PRKCH: variants seen among roughly 807,000 people sequenced by gnomAD.
PRKCH encodes the protein protein kinase C eta.
A neutral mutation model predicts 82.5 loss-of-function variants in PRKCH; 28 were observed. That is an observed-to-expected ratio of 0.34 (90% confidence interval 0.25 to 0.47). The LOEUF (loss-of-function observed/expected upper bound fraction) is 0.47, where lower values mean the gene tolerates loss of function less well. Ranked by LOEUF, PRKCH falls within the 20% of genes least tolerant of loss-of-function variation. PRKCH has a pLI of 1.00. For missense variants in PRKCH, 705 were observed against 881.8 expected, an observed-to-expected ratio of 0.80 and a Z score of 2.54; for synonymous variants, 322 against 327.4, an observed-to-expected ratio of 0.98 and a Z score of 0.18.
At chr14:61,460,295 A>G (rs1000881289) in intron 9 of PRKCH, among the ~76,000 whole-genome samples, 1 of 152,030 alleles carries the variant, frequency 6.6e-6, no homozygotes, top group African/African-American at 2.4e-5. Flanking sequence ...CTCTGTTGCT[A>G]TGTATTGTGT....
Position 61,515,820 on chromosome 14 carries a change from A to T in PRKCH, c.1434-13255A>T, listed in dbSNP as rs937204231. Among the ~76,000 whole-genome samples the T allele has an allele frequency of 7.2e-5, 11 of 152,342 alleles. 1 individual carries two copies. Among genetic ancestry groups the T allele is most frequent in the South Asian group, 4.1e-4 (2 of 4,830 alleles). ...TTTATCAGTGTTGATTCTTATAAAA[A>T]TCATGACAGTAGGCCATGTAGATAT... On this transcript the variant is annotated intron_variant, in intron 10 of 13. Coordinates refer to ENST00000332981, the MANE Select transcript of PRKCH (RefSeq NM_006255.5).
At chr14:61,199,858 T>C (rs1441855277) in intron 1 of PRKCH, among the ~76,000 whole-genome samples, 2 of 152,212 alleles carry the variant, frequency 1.3e-5, no homozygotes, top group African/African-American at 4.8e-5. Flanking sequence ...ATTTCAGTAT[T>C]TTTGGATTGG....
At chr14:61,379,003 T>A (rs964358296) in intron 1 of PRKCH, among the ~76,000 whole-genome samples, 1 of 152,208 alleles carries the variant, frequency 6.6e-6, no homozygotes, top group African/African-American at 2.4e-5. Context: ...CTTGTAACTT[T>A]CCTGATTGAA....
intron 1 of PRKCH, among the ~76,000 whole-genome samples, chr14:61,219,066 C>G (rs1381462127): frequency 6.6e-6 from 1 of 152,212 alleles, no homozygotes; most frequent in Non-Finnish European, 1.5e-5. Context: ...AGTAAACAGT[C>G]CAAGCTGTGG....
rs146725000 is a variant in PRKCH, at chr14:61,422,516, C to T, written c.428-20595C>T. On this transcript the variant is annotated intron_variant, in intron 2 of 13. Coordinates refer to ENST00000332981, the MANE Select transcript of PRKCH (RefSeq NM_006255.5). ...TAGTATATACCCCGTTCCCCTCATC[C>T]TCCCTCTAGTACTCTGCTGCTTAGG... Among the ~76,000 whole-genome samples the T allele has an allele frequency of 2.9e-3, 435 of 152,274 alleles. 4 individuals are homozygous for T. The highest frequency in any genetic ancestry group is 0.019 in the South Asian group (90 of 4,826).
At chr14:61,458,218 C>T (rs910263146) in intron 9 of PRKCH, among the ~76,000 whole-genome samples, 2 of 152,224 alleles carry the variant, frequency 1.3e-5, no homozygotes, top group African/African-American at 2.4e-5. Context: ...TCTGTCTGCC[C>T]TGTAATGGCG....
At position 61,329,234 on chromosome 14, in the gene PRKCH, CT is replaced by C. The variant is rs71117812; in HGVS notation, c.363+6790del. Among the ~76,000 whole-genome samples the C allele has an allele frequency of 2.5e-4, 16 of 63,468 alleles. 1 individual carries two copies. The highest frequency in any genetic ancestry group is 0.029 in the Middle Eastern group (1 of 34). 41.6% of individuals were successfully genotyped at this position (63,468 alleles called of 152,430 possible). The stretch of plus-strand genomic sequence containing the variant: ...ACTGCTCTTAGATAAACTCCTGAGT[CT>C]TTTTTTTTTTTTTTTTTTTGAGACA... On this transcript the variant is annotated intron_variant, in intron 1 of 13. Coordinates refer to ENST00000332981, the MANE Select transcript of PRKCH (RefSeq NM_006255.5).
At chr14:61,250,236 CAAAA>C (rs1382272522) in intron 1 of PRKCH, among the ~76,000 whole-genome samples, 1 of 104,980 alleles carries the variant, frequency 9.5e-6, no homozygotes, top group East Asian at 2.7e-4. Flanking sequence ...GACTCAGTCT[CAAAA>C]ATAAATAAAT....
intron 11 of PRKCH, 142 bp from the exon 12 acceptor site, chr14:61,530,265 G>A (rs536485505): frequency 7.6e-6 from 7 of 915,962 alleles, no homozygotes; most frequent in Non-Finnish European, 1.1e-5. Flanking sequence ...CTGTAGAAAT[G>A]GAATGAAATA....
intron 10 of PRKCH, among the ~76,000 whole-genome samples, chr14:61,489,619 A>T (rs111727055): frequency 6.6e-6 from 1 of 152,228 alleles, no homozygotes; most frequent in Non-Finnish European, 1.5e-5. Context: ...CCCAGAAACC[A>T]AGAAGAGTAG....
rs115986808 is a variant in PRKCH, at chr14:61,536,936, G to A, written c.1761+6341G>A. On this transcript the variant is annotated intron_variant, in intron 12 of 13. Coordinates refer to ENST00000332981, the MANE Select transcript of PRKCH (RefSeq NM_006255.5). ...AGCTGTTCAAACATTTCCTATAGAC[G>A]TGGGTAGTGGACAAAGGACTTGCTT... 7.6e-3 allele frequency among the ~76,000 whole-genome samples: 1,157 copies of A among 152,298 alleles called. 15 individuals are homozygous for A. Among genetic ancestry groups the A allele is most frequent in the African/African-American group, 0.026 (1,097 of 41,558 alleles).
At chr14:61,394,625 T>G (rs2046744098) in intron 2 of PRKCH, among the ~76,000 whole-genome samples, 1 of 152,190 alleles carries the variant, frequency 6.6e-6, no homozygotes, top group Non-Finnish European at 1.5e-5. Flanking sequence ...ATTACATGAC[T>G]TTTTTAGAGC....
At chr14:61,495,992 G>A (rs1886652940) in intron 10 of PRKCH, among the ~76,000 whole-genome samples, 1 of 152,190 alleles carries the variant, frequency 6.6e-6, no homozygotes. Context: ...AAGACCTAAG[G>A]ATGGGAGGAG....
At chr14:61,462,710 A>G (rs1455060393) in intron 9 of PRKCH, among the ~76,000 whole-genome samples, 1 of 152,240 alleles carries the variant, frequency 6.6e-6, no homozygotes, top group African/African-American at 2.4e-5. Context: ...GATGCTAATC[A>G]GTGTGTAATG....
chr14:61,280,808 G>T lies in PRKCH; in HGVS notation c.-19+93140G>T. On this transcript the variant is annotated intron_variant, in intron 1 of 3. Coordinates refer to the PRKCH transcript ENST00000555185. The surrounding 1 kb of genome is among the most constrained non-coding windows in gnomAD (Gnocchi z 5.0). ...CGGTTGTTCTGGTAGAAGTTGGTCA[G>T]CTCGTAGTAGAGGTACACTGGGCCC... 1 of 1,562,402 alleles carries T rather than the reference G, an allele frequency of 6.4e-7. No individual in the cohort carries two copies. Among genetic ancestry groups the T allele is most frequent in the African/African-American group, 1.4e-5 (1 of 74,020 alleles).
At chr14:61,367,997 A>G (rs1384409315) in intron 1 of PRKCH, among the ~76,000 whole-genome samples, 1 of 151,922 alleles carries the variant, frequency 6.6e-6, no homozygotes, top group Non-Finnish European at 1.5e-5. Flanking sequence ...TACAGGCGTG[A>G]GCCACCGCGC....
intron 1 of PRKCH, among the ~76,000 whole-genome samples, chr14:61,311,030 G>A (rs1375085891): frequency 6.6e-6 from 1 of 152,224 alleles, no homozygotes; most frequent in African/African-American, 2.4e-5. Flanking sequence ...ATGTTCCAAG[G>A]CTGCACAGAG....
At chr14:61,425,850 G>GA (rs937290232) in intron 2 of PRKCH, among the ~76,000 whole-genome samples, 1 of 152,100 alleles carries the variant, frequency 6.6e-6, no homozygotes, top group African/African-American at 2.4e-5. Flanking sequence ...AGATCATGGG[G>GA]GGTGGTTTCG....
At chr14:61,214,120 T>G (rs550172731) in intron 1 of PRKCH, among the ~76,000 whole-genome samples, 1 of 152,318 alleles carries the variant, frequency 6.6e-6, no homozygotes, top group South Asian at 2.1e-4. Flanking sequence ...GTGGGGGGTG[T>G]ACTGAGAGGG....
Sources: gnomAD v4.1 joint callset for allele counts (sites outside exome capture counted in the v4.1 genomes callset) on GRCh38, gnomAD v4.1.1 for gene constraint, Gnocchi (gnomAD v3.1) non-coding constraint, MANE v1.5 for transcripts, NCBI Gene and HGNC (gene_info 2026-07-23, HGNC 2026-07-21) for gene names.